ARGLU1: variants seen among roughly 807,000 people sequenced by gnomAD.
The protein encoded by ARGLU1 is arginine and glutamate-rich protein 1.
In ARGLU1, 9 loss-of-function variants were observed where a neutral mutation model predicts 37.6. The observed-to-expected ratio is 0.24, with a 90% CI of 0.14 to 0.42. The LOEUF is 0.42. ARGLU1 is among the 10% of genes least tolerant of loss of function. The pLI, the probability that ARGLU1 is intolerant of heterozygous loss-of-function variation, is 1.00. For synonymous variants in ARGLU1, 166 were observed against 138.5 expected, an observed-to-expected ratio of 1.20 and a Z score of -1.39; for missense variants, 211 against 359.2, an observed-to-expected ratio of 0.59 and a Z score of 3.34.
Position 106,543,826 on chromosome 13 carries a change from A to G in ARGLU1, c.*170T>C, listed in dbSNP as rs1238920206. 33 of 24,758 alleles carry G rather than the reference A, an allele frequency of 1.3e-3. No homozygotes were observed. Among genetic ancestry groups the G allele is most frequent in the Non-Finnish European group, 3.5e-3 (27 of 7,678 alleles). 1.5% of individuals were successfully genotyped at this position (24,758 alleles called of 1,614,324 possible). On this transcript the variant is annotated 3_prime_UTR_variant, in exon 4 of 4. Transcript: ENST00000400198. Reference sequence around the variant, plus strand: ...GATAAGGATTTGACTTAGTGGAAGGAAAAAAAAAAAAAAAAAGGGAATTGC... The same window carrying G: ...GATAAGGATTTGACTTAGTGGAAGGGAAAAAAAAAAAAAAAAGGGAATTGC...
At chr13:106,550,803 A>G (rs1488762755) in intron 3 of ARGLU1, among the ~76,000 whole-genome samples, 1 of 152,108 alleles carries the variant, frequency 6.6e-6, no homozygotes, top group African/African-American at 2.4e-5. Context: ...TGGACACTTC[A>G]CTCCAAGATC....
intron 2 of ARGLU1, 36 bp downstream of exon 2, chr13:106,559,396 T>C: frequency 6.2e-7 from 1 of 1,611,948 alleles, no homozygotes; most frequent in Non-Finnish European, 8.5e-7. Context: ...AGTTTTGCCA[T>C]GGACTGTCTC....
intron 3 of ARGLU1, 119 bp downstream of exon 3, chr13:106,556,929 A>T: frequency 2.5e-6 from 2 of 785,850 alleles, no homozygotes; most frequent in Non-Finnish European, 4.2e-6. Context: ...CTTTAAAGTT[A>T]GTCCTGAGAA....
chr13:106,550,814 A>C (rs935362568), intron 3 of ARGLU1, among the ~76,000 whole-genome samples: 4 of 152,134 alleles, frequency 2.6e-5, no homozygotes, highest in Non-Finnish European at 5.9e-5. Context: ...CTCCAAGATC[A>C]ACATCCTCAA....
Position 106,557,605 on chromosome 13 carries a change from C to A in ARGLU1, c.574-474G>T. ...GAGTGTGCTCCTCGGCTGCCATACG[C>A]GCCAGCTTCCTCTTTAAAATGATTT... On this transcript the variant is annotated intron_variant, in intron 2 of 3. Coordinates refer to ENST00000400198, the MANE Select transcript of ARGLU1 (RefSeq NM_018011.4). The surrounding 1 kb of genome is among the most constrained non-coding windows in gnomAD (Gnocchi z 5.0). 6.2e-7 allele frequency: 1 copy of A among 1,606,002 alleles called. No homozygotes were observed. The highest frequency in any genetic ancestry group is 8.5e-7 in the Non-Finnish European group (1 of 1,176,684).
intron 3 of ARGLU1, among the ~76,000 whole-genome samples, chr13:106,548,403 C>G (rs1880449475): frequency 2.0e-5 from 3 of 152,098 alleles, no homozygotes; most frequent in South Asian, 4.2e-4. Flanking sequence ...CCTTTCCCTG[C>G]TTGTTTCACA....
chr13:106,559,623 C>G lies in ARGLU1; in HGVS notation c.382G>C (p.Glu128Gln), dbSNP rs1880743748. Residue 128 changes from glutamate (E) to glutamine (Q), a missense_variant, in exon 2 of 4, where the codon GAA becomes CAA. This residue lies in a region of ARGLU1 where 1 missense variants were observed against 21.1 expected (regional missense o/e 0.05). Coordinates refer to ENST00000400198, the MANE Select transcript of ARGLU1 (RefSeq NM_018011.4). ...QQEIEEKLIEEETARRVEELV... is the reference protein window; with the variant it reads ...QQEIEEKLIEQETARRVEELV... ...TCTTCTACTCTTCGTGCTGTTTCTT[C>G]CTCGATGAGTTTTTCTTCTATTTCT... 6.2e-7 allele frequency: 1 copy of G among 1,613,716 alleles called. No homozygotes were observed. Among genetic ancestry groups the G allele is most frequent in the African/African-American group, 1.3e-5 (1 of 74,870 alleles).
Position 106,557,817 on chromosome 13 carries a change from T to A in ARGLU1, c.574-686A>T. ...TACTGTTAGTGAAAAATACAAATGG[T>A]AATCCATACTTCATGGAACTACGGG... On this transcript the variant is annotated intron_variant, in intron 2 of 3. Coordinates refer to ENST00000400198, the MANE Select transcript of ARGLU1 (RefSeq NM_018011.4). The surrounding 1 kb of genome is among the most constrained non-coding windows in gnomAD (Gnocchi z 5.0). 3 of 1,265,986 alleles carry A rather than the reference T, an allele frequency of 2.4e-6. No individual in the cohort carries two copies. Among genetic ancestry groups the A allele is most frequent in the Non-Finnish European group, 3.0e-6 (3 of 1,002,916 alleles). 78.4% of individuals were successfully genotyped at this position (1,265,986 alleles called of 1,614,324 possible).
intron 1 of ARGLU1, among the ~76,000 whole-genome samples, chr13:106,564,429 G>T (rs78810161): frequency 6.6e-6 from 1 of 152,162 alleles, no homozygotes; most frequent in African/African-American, 2.4e-5. Flanking sequence ...ATTATAAGTG[G>T]TAAACCAATA....
At chr13:106,559,681 A>G (rs2138973281) in intron 1 of ARGLU1, 24 bp from the exon 2 acceptor site, 1 of 1,594,446 alleles carries the variant, frequency 6.3e-7, no homozygotes, top group Non-Finnish European at 8.5e-7. Flanking sequence ...TGAAAAAAAC[A>G]AGTTAGGTAT....
Position 106,547,187 on chromosome 13 carries a change from C to T in ARGLU1, c.658-3027G>A, listed in dbSNP as rs117469341. 7.0e-3 allele frequency among the ~76,000 whole-genome samples: 1,073 copies of T among 152,220 alleles called. 14 individuals are homozygous for T. The highest frequency in any genetic ancestry group is 7.6e-3 in the Non-Finnish European group (517 of 68,002). Reference sequence around the variant, plus strand: ...GCCTGTGCCATGTTCTTAGGCTTCCCGGCTTCCAGAACCCTGAGCCAAATA... The same window carrying T: ...GCCTGTGCCATGTTCTTAGGCTTCCTGGCTTCCAGAACCCTGAGCCAAATA... On this transcript the variant is annotated intron_variant, in intron 3 of 3. Transcript: ENST00000400198.
In ARGLU1 at chr13:106,557,484, T is replaced by G. The variant is rs936837991; in HGVS notation, c.574-353A>C. 1 of 1,109,492 alleles carries G rather than the reference T, an allele frequency of 9.0e-7. No individual in the cohort carries two copies. Among genetic ancestry groups the G allele is most frequent in the South Asian group, 2.7e-5 (1 of 36,904 alleles). 68.7% of individuals were successfully genotyped at this position (1,109,492 alleles called of 1,614,324 possible). On this transcript the variant is annotated intron_variant, in intron 2 of 3. Coordinates refer to ENST00000400198, the MANE Select transcript of ARGLU1 (RefSeq NM_018011.4). This position sits in a 1 kb window ranked among gnomAD's most constrained non-coding sequence, Gnocchi z 5.0. ...ATAAAATATAAATAAAGTGAATATT[T>G]GTCTCACCAATTATGTATACCTACG...
At chr13:106,552,682 A>G (rs1459711013) in intron 3 of ARGLU1, among the ~76,000 whole-genome samples, 2 of 152,202 alleles carry the variant, frequency 1.3e-5, no homozygotes, top group African/African-American at 4.8e-5. Flanking sequence ...AGACTTCAAA[A>G]AATTTTAAGC....
In ARGLU1 at chr13:106,544,164, A is replaced by T. The variant is rs1880332423; in HGVS notation, c.658-4T>A. The T allele has an allele frequency of 6.5e-7, 1 of 1,541,228 alleles. No individual in the cohort carries two copies. Among genetic ancestry groups the T allele is most frequent in the Non-Finnish European group, 8.7e-7 (1 of 1,153,692 alleles). The stretch of plus-strand genomic sequence containing the variant: ...CAATTCTCAACTGTTCTTCGGCCTG[A>T]AAGTTAAAAGTAAAAATTAATTATA... On this transcript the variant is annotated splice_polypyrimidine_tract_variant and splice_region_variant and intron_variant, in intron 3 of 3. Coordinates refer to ENST00000400198, the MANE Select transcript of ARGLU1 (RefSeq NM_018011.4).
chr13:106,554,797 A>C (rs917734184), intron 3 of ARGLU1, among the ~76,000 whole-genome samples: 9 of 151,584 alleles, frequency 5.9e-5, no homozygotes, highest in African/African-American at 2.2e-4. Flanking sequence ...AGGCAGGAGG[A>C]TTGCTTGAAT....
chr13:106,560,395 A>G (rs1267818435), intron 1 of ARGLU1, among the ~76,000 whole-genome samples: 4 of 152,218 alleles, frequency 2.6e-5, no homozygotes, highest in Non-Finnish European at 5.9e-5. Flanking sequence ...TTTACTCAAA[A>G]TAAAATTCTG....
At chr13:106,547,236 GC>G (rs1880416516) in intron 3 of ARGLU1, among the ~76,000 whole-genome samples, 1 of 152,028 alleles carries the variant, frequency 6.6e-6, no homozygotes, top group Non-Finnish European at 1.5e-5. Context: ...CCCTGTTAGA[GC>G]AGCAAAAAAT....
At chr13:106,555,641 T>C (rs761340918) in intron 3 of ARGLU1, among the ~76,000 whole-genome samples, 3 of 152,220 alleles carry the variant, frequency 2.0e-5, no homozygotes, top group Non-Finnish European at 4.4e-5. Flanking sequence ...ATTTGAGAAG[T>C]ATTAGGTTAT....
At chr13:106,544,362 T>C (rs753037909) in intron 3 of ARGLU1, among the ~76,000 whole-genome samples, 1 of 152,158 alleles carries the variant, frequency 6.6e-6, no homozygotes, top group African/African-American at 2.4e-5. Context: ...CACAATGGCA[T>C]GTGTCATAAA....
Sources: gnomAD v4.1 joint callset for allele counts (sites outside exome capture counted in the v4.1 genomes callset) on GRCh38, gnomAD v4.1.1 for gene constraint, gnomAD v4.1.1 regional missense constraint, Gnocchi (gnomAD v3.1) non-coding constraint, MANE v1.5 for transcripts, NCBI Gene and HGNC (gene_info 2026-07-23, HGNC 2026-07-21) for gene names.